HS3ST3A1: variants seen among roughly 807,000 people sequenced by gnomAD.
HS3ST3A1 encodes the protein heparan sulfate glucosamine 3-O-sulfotransferase 3A1.
A neutral mutation model predicts 25.7 loss-of-function variants in HS3ST3A1; 19 were observed. The ratio of observed to expected loss-of-function variants is 0.74; its 90% CI spans 0.52 to 1.08. The LOEUF (loss-of-function observed/expected upper bound fraction) is 1.08, where lower values mean the gene tolerates loss of function less well. HS3ST3A1 is among the 50% of genes least tolerant of loss of function. The pLI is 0.00. For synonymous variants in HS3ST3A1, 226 were observed against 278.6 expected (o/e 0.81, Z 1.88); for missense variants, 459 against 594.3 (o/e 0.77, Z 2.37).
intron 1 of HS3ST3A1, among the ~76,000 whole-genome samples, chr17:13,518,981 TTAGCCCTAGATAACTGA>T (rs1906139255): frequency 2.0e-5 from 3 of 152,232 alleles, no homozygotes; most frequent in Admixed American, 6.5e-5. Flanking sequence ...AAGCATTATT[TTAGCCCTAGATAACTGA>T]TAGGCTATAT....
At chr17:13,523,594 C>CGTGT (rs1906317791) in intron 1 of HS3ST3A1, among the ~76,000 whole-genome samples, 1 of 152,132 alleles carries the variant, frequency 6.6e-6, no homozygotes, top group African/African-American at 2.4e-5. Context: ...TTGTGCCCTC[C>CGTGT]ACACTAAGAG....
chr17:13,522,369 C>T (rs1434619141), intron 1 of HS3ST3A1, among the ~76,000 whole-genome samples: 1 of 152,000 alleles, frequency 6.6e-6, no homozygotes, highest in Non-Finnish European at 1.5e-5. Flanking sequence ...GTATTGTATG[C>T]TTTTGTTTGG....
At chr17:13,584,538 G>GGAAGGAAGGAAAAAAGGAAGGAAGGAAA in intron 1 of HS3ST3A1, among the ~76,000 whole-genome samples, 1 of 146,658 alleles carries the variant, frequency 6.8e-6, no homozygotes, top group Admixed American at 6.9e-5. Flanking sequence ...AAGGAAAGAA[G>GGAAGGAAGGAAAAAAGGAAGGAAGGAAA]GAAGGAAGGA....
intron 1 of HS3ST3A1, among the ~76,000 whole-genome samples, chr17:13,573,841 C>G (rs150493010): frequency 6.6e-6 from 1 of 152,134 alleles, no homozygotes; most frequent in Non-Finnish European, 1.5e-5. Context: ...AGTGGAGTTA[C>G]GGGCACAGGG....
At chr17:13,516,292 A>G (rs376756247) in intron 1 of HS3ST3A1, among the ~76,000 whole-genome samples, 59 of 152,320 alleles carry the variant, frequency 3.9e-4, no homozygotes, top group Admixed American at 1.2e-3. Flanking sequence ...CCTGGGTGAC[A>G]GCGCAAGACT....
chr17:13,546,502 G>A (rs968980364), intron 1 of HS3ST3A1, among the ~76,000 whole-genome samples: 4 of 152,144 alleles, frequency 2.6e-5, no homozygotes, highest in Non-Finnish European at 4.4e-5. Context: ...TCCGGACCTC[G>A]TGATCTACCC....
At chr17:13,562,403 G>A (rs1463094906) in intron 1 of HS3ST3A1, among the ~76,000 whole-genome samples, 1 of 152,044 alleles carries the variant, frequency 6.6e-6, no homozygotes, top group Non-Finnish European at 1.5e-5. Flanking sequence ...GTGGCTGCTC[G>A]GGCACACACG....
At position 13,600,919 on chromosome 17, in the gene HS3ST3A1, G is replaced by T; in HGVS notation, c.211C>A (p.Leu71Met). 2 of 1,528,900 alleles carry T rather than the reference G, an allele frequency of 1.3e-6. No homozygotes were observed. The highest frequency in any genetic ancestry group is 3.9e-4 in the Middle Eastern group (2 of 5,160). The allele number at this position is 1,528,900 out of a possible 1,614,324, so 94.7% of individuals were successfully genotyped here. A position where few individuals can be genotyped will look rare whatever the true frequency, so the allele number is the denominator to read the frequency against. Residue 71 changes from leucine to methionine, a missense_variant, in exon 1 of 2, where the codon CTG (leucine) becomes ATG (methionine). Leu to Met is a conservative substitution (Grantham distance 15). Transcript: ENST00000284110. ...EEAGAPGGGVLAGGPRELAVW... is the reference protein window; with the variant it reads ...EEAGAPGGGVMAGGPRELAVW... ...GCCAGCTCCCTCGGGCCTCCGGCCAGGACGCCGCCACCAGGGGCCCCCGCC... is the reference window on the plus strand; with the variant it reads ...GCCAGCTCCCTCGGGCCTCCGGCCATGACGCCGCCACCAGGGGCCCCCGCC...
intron 1 of HS3ST3A1, among the ~76,000 whole-genome samples, chr17:13,548,894 G>A (rs538572077): frequency 6.6e-6 from 1 of 152,246 alleles, no homozygotes; most frequent in African/African-American, 2.4e-5. Context: ...ACACCAATCA[G>A]CACTCTGTAA....
At chr17:13,524,806 A>G (rs1157960233) in intron 1 of HS3ST3A1, among the ~76,000 whole-genome samples, 2 of 152,128 alleles carry the variant, frequency 1.3e-5, no homozygotes, top group Non-Finnish European at 2.9e-5. Context: ...CAAATCTATA[A>G]TTGTTTCCAA....
intron 1 of HS3ST3A1, among the ~76,000 whole-genome samples, chr17:13,587,942 T>C (rs1908319840): frequency 6.6e-6 from 1 of 152,200 alleles, no homozygotes; most frequent in South Asian, 2.1e-4. Context: ...TATTTCTAAA[T>C]TGGATCTTGA....
chr17:13,599,475 T>G (rs780828802), intron 1 of HS3ST3A1, among the ~76,000 whole-genome samples: 24 of 152,212 alleles, frequency 1.6e-4, no homozygotes, highest in Non-Finnish European at 2.6e-4. Flanking sequence ...TATGTTGTAA[T>G]TTTTGTAACT....
chr17:13,531,229 A>G (rs1906595287), intron 1 of HS3ST3A1, among the ~76,000 whole-genome samples: 1 of 152,220 alleles, frequency 6.6e-6, no homozygotes, highest in South Asian at 2.1e-4. Flanking sequence ...CTCTTAAAAC[A>G]TGTCCATTAG....
intron 1 of HS3ST3A1, among the ~76,000 whole-genome samples, chr17:13,570,481 TTTTG>T (rs540516287): frequency 3.9e-5 from 6 of 152,160 alleles, no homozygotes; most frequent in Admixed American, 6.5e-5. Flanking sequence ...GTTATTTCCT[TTTTG>T]TTTGTTTGTT....
chr17:13,500,709 A>G (rs1905446421), intron 1 of HS3ST3A1, among the ~76,000 whole-genome samples: 1 of 152,240 alleles, frequency 6.6e-6, no homozygotes, highest in African/African-American at 2.4e-5. Flanking sequence ...CAACACTATA[A>G]GGAAAAAATA....
At chr17:13,502,939 G>C (rs140492563) in intron 1 of HS3ST3A1, among the ~76,000 whole-genome samples, 2 of 151,304 alleles carry the variant, frequency 1.3e-5, no homozygotes, top group African/African-American at 2.4e-5. Flanking sequence ...CCAGCACTTT[G>C]GGAGGCCAAG....
chr17:13,516,451 A>G (rs185255028), intron 1 of HS3ST3A1, among the ~76,000 whole-genome samples: 118 of 152,320 alleles, frequency 7.7e-4, no homozygotes, highest in African/African-American at 2.2e-3. Flanking sequence ...TCTTTGGCTG[A>G]GCAAAAGTTT....
chr17:13,553,919 A>C (rs550455601), intron 1 of HS3ST3A1, among the ~76,000 whole-genome samples: 1 of 152,302 alleles, frequency 6.6e-6, no homozygotes, highest in Non-Finnish European at 1.5e-5. Context: ...ATTTTATTCC[A>C]CTGATACTGC....
At chr17:13,553,627 CCAAT>C (rs1324013082) in intron 1 of HS3ST3A1, among the ~76,000 whole-genome samples, 1 of 152,182 alleles carries the variant, frequency 6.6e-6, no homozygotes, top group Non-Finnish European at 1.5e-5. Flanking sequence ...TGATTCCTTA[CCAAT>C]CAAACACCTG....
Sources: allele counts gnomAD v4.1 joint callset (sites outside exome capture counted in the v4.1 genomes callset), GRCh38; gene constraint gnomAD v4.1.1; transcripts MANE v1.5; gene names NCBI Gene and HGNC (gene_info 2026-07-23, HGNC 2026-07-21).